Variants in RAPGEF2 observed in about 807,000 individuals in gnomAD.
The protein encoded by RAPGEF2 is Rap guanine nucleotide exchange factor 2.
RAPGEF2 carries 54 observed loss-of-function variants against 186.7 expected under a neutral mutation model. The ratio of observed to expected loss-of-function variants is 0.29; its 90% CI spans 0.23 to 0.36. The LOEUF (loss-of-function observed/expected upper bound fraction) is 0.36. Among genes scored for constraint, RAPGEF2 ranks in the 10% least tolerant of loss-of-function variants. RAPGEF2 has a pLI of 1.00. For missense variants in RAPGEF2, 1,532 were observed against 2,045.0 expected, an observed-to-expected ratio of 0.75 and a Z score of 4.84; for synonymous variants, 712 against 705.9, an observed-to-expected ratio of 1.01 and a Z score of -0.14.
intron 7 of RAPGEF2, chr4:159,268,231 G>A (rs1299847437): frequency 6.5e-7 from 1 of 1,544,830 alleles, no homozygotes. Flanking sequence ...TATCGCAAAT[G>A]CTGCTTGTGC....
At chr4:159,212,317 A>C (rs1222711048) in intron 4 of RAPGEF2, among the ~76,000 whole-genome samples, 1 of 151,910 alleles carries the variant, frequency 6.6e-6, no homozygotes, top group East Asian at 1.9e-4. Context: ...TCTGAACTTA[A>C]AAGAAGGTGC....
chr4:159,168,637 A>C (rs939124240), intron 1 of RAPGEF2, among the ~76,000 whole-genome samples: 1 of 152,190 alleles, frequency 6.6e-6, no homozygotes, highest in South Asian at 2.1e-4. Context: ...ATAAATTTAA[A>C]TAGTAAAAGG....
chr4:159,163,256 G>A (rs1315709670), intron 1 of RAPGEF2, among the ~76,000 whole-genome samples: 1 of 151,998 alleles, frequency 6.6e-6, no homozygotes, highest in Non-Finnish European at 1.5e-5. Context: ...GTAAAATGTG[G>A]CAATTGTGAC....
intron 7 of RAPGEF2, among the ~76,000 whole-genome samples, chr4:159,245,515 T>C (rs939163800): frequency 6.6e-6 from 1 of 152,010 alleles, no homozygotes; most frequent in Admixed American, 6.6e-5. Context: ...TGGATGGTAA[T>C]AGTTTACCTT....
intron 8 of RAPGEF2, among the ~76,000 whole-genome samples, chr4:159,306,890 TA>T (rs1763367332): frequency 6.6e-6 from 1 of 152,152 alleles, no homozygotes; most frequent in African/African-American, 2.4e-5. Flanking sequence ...CTGCTTAAAA[TA>T]AATTTTTATG....
At chr4:159,253,269 C>T (rs1245797089) in intron 7 of RAPGEF2, among the ~76,000 whole-genome samples, 2 of 152,200 alleles carry the variant, frequency 1.3e-5, no homozygotes, top group Non-Finnish European at 2.9e-5. Context: ...GTTAGTGTAA[C>T]TTGCCTTACT....
chr4:159,307,126 A>G (rs1365270077), intron 8 of RAPGEF2, among the ~76,000 whole-genome samples: 1 of 152,198 alleles, frequency 6.6e-6, no homozygotes, highest in Non-Finnish European at 1.5e-5. Context: ...TTTACAAAGA[A>G]TAACTCTTGG....
intron 7 of RAPGEF2, among the ~76,000 whole-genome samples, chr4:159,252,527 A>C (rs1363941666): frequency 6.6e-6 from 1 of 152,234 alleles, no homozygotes; most frequent in Non-Finnish European, 1.5e-5. Flanking sequence ...TCTTGATGTC[A>C]TTTACAGTGG....
At chr4:159,198,326 CTTTCTTTCTTTT>C (rs1476264956) in intron 3 of RAPGEF2, among the ~76,000 whole-genome samples, 1 of 65,350 alleles carries the variant, frequency 1.5e-5, no homozygotes, top group Non-Finnish European at 2.7e-5. Context: ...TTCTTTCTTT[CTTTCTTTCTTTT>C]TCTTTCTCTC....
rs764269847 is a variant in RAPGEF2, at chr4:159,332,424, T to G, written c.1889-27T>G. 2.5e-6 allele frequency: 4 copies of G among 1,594,776 alleles called. No individual in the cohort carries two copies. The South Asian group carries it at 3.4e-5, about 13-fold the overall frequency. On this transcript the variant is annotated intron_variant, in intron 16 of 29. Transcript: ENST00000691494. The stretch of plus-strand genomic sequence containing the variant: ...CAGATATCTTATAATTGCCATTACG[T>G]GGTGTTTCTGTTTTCATTTATTTTA...
chr4:159,103,505 TA>T lies in RAPGEF2; in HGVS notation c.-657del, dbSNP rs1232404033. The T allele has an allele frequency of 1.3e-5, 2 of 154,352 alleles. No homozygotes were observed. The highest frequency in any genetic ancestry group is 2.9e-5 in the Non-Finnish European group (2 of 69,396). The allele number at this position is 154,352 out of a possible 1,614,324, so 9.6% of individuals were successfully genotyped here. On this transcript the variant is annotated 5_prime_UTR_variant, in exon 1 of 30. It removes the in-frame stop codon of an upstream open reading frame in the 5' UTR. Coordinates refer to ENST00000691494, the MANE Select transcript of RAPGEF2 (RefSeq NM_001394067.2). Reference sequence around the variant, plus strand: ...AGTCGGGAGGGACGGCCGAGCCCAGTAGACAGAGACCAGGAGCGGCGGCCGA... The same window carrying T: ...AGTCGGGAGGGACGGCCGAGCCCAGTGACAGAGACCAGGAGCGGCGGCCGA...
intron 1 of RAPGEF2, among the ~76,000 whole-genome samples, chr4:159,140,470 T>G (rs1004352429): frequency 6.6e-6 from 1 of 152,222 alleles, no homozygotes; most frequent in African/African-American, 2.4e-5. Flanking sequence ...TAAAAGATAT[T>G]TTTTGGGATG....
chr4:159,241,462 TTTCAA>T (rs1341315744), intron 6 of RAPGEF2, 94 bp downstream of exon 6: 8 of 639,060 alleles, frequency 1.3e-5, no homozygotes, highest in African/African-American at 1.1e-4. Flanking sequence ...TGACAAATCT[TTTCAA>T]TTATATATAT....
At chr4:159,210,890 T>A (rs1362052283) in intron 4 of RAPGEF2, among the ~76,000 whole-genome samples, 1 of 152,122 alleles carries the variant, frequency 6.6e-6, no homozygotes, top group Non-Finnish European at 1.5e-5. Context: ...ATAGCTTAGA[T>A]AAAGGGGGAC....
chr4:159,228,405 G>A lies in RAPGEF2; in HGVS notation c.282-10404G>A, dbSNP rs529949817. 15 of 152,238 alleles carry A rather than the reference G, an allele frequency of 9.9e-5. No individual in the cohort carries two copies. In the South Asian group the frequency reaches 1.9e-3, roughly 19 times the overall value. The allele number at this position is 152,238 out of a possible 1,614,324, so 9.4% of individuals were successfully genotyped here. On this transcript the variant is annotated intron_variant, in intron 4 of 29. Transcript: ENST00000691494. Reference sequence around the variant, plus strand: ...TTAAAATGTTAGTAGCTTAAGTATCGAATGTTTAGTGCTTGTTAAATAGAC... The same window carrying A: ...TTAAAATGTTAGTAGCTTAAGTATCAAATGTTTAGTGCTTGTTAAATAGAC...
intron 1 of RAPGEF2, among the ~76,000 whole-genome samples, chr4:159,150,622 G>A (rs1743436680): frequency 6.6e-6 from 1 of 152,206 alleles, no homozygotes; most frequent in South Asian, 2.1e-4. Flanking sequence ...AAACAGGAAG[G>A]CAGAGGGCCA....
At chr4:159,330,588 A>T in intron 13 of RAPGEF2, 90 bp downstream of exon 13, 1 of 923,642 alleles carries the variant, frequency 1.1e-6, no homozygotes, top group Non-Finnish European at 1.6e-6. Context: ...AATTATGTCC[A>T]GATTAATGTA....
chr4:159,355,747 TCTG>T, intron 28 of RAPGEF2, 103 bp from the exon 29 acceptor site: 1 of 1,096,184 alleles, frequency 9.1e-7, no homozygotes, highest in South Asian at 1.6e-5. Context: ...CAAATGCACA[TCTG>T]CTGCTACACT....
At chr4:159,273,027 G>A (rs1579706092) in intron 7 of RAPGEF2, among the ~76,000 whole-genome samples, 1 of 152,102 alleles carries the variant, frequency 6.6e-6, no homozygotes, top group African/African-American at 2.4e-5. Context: ...TTGATTGATG[G>A]ATTTTCCTTA....
Sources: gnomAD v4.1 joint callset for allele counts (sites outside exome capture counted in the v4.1 genomes callset) on GRCh38, gnomAD v4.1.1 for gene constraint, MANE v1.5 for transcripts, NCBI Gene and HGNC (gene_info 2026-07-23, HGNC 2026-07-21) for gene names.